Variants in LPP observed in about 807,000 individuals in gnomAD.
LPP encodes lipoma-preferred partner.
LPP carries 38 observed loss-of-function variants against 60.4 expected under a neutral mutation model. The observed-to-expected ratio is 0.63, with a 90% CI of 0.49 to 0.83. The LOEUF (loss-of-function observed/expected upper bound fraction) is 0.83. LPP is among the 40% of genes least tolerant of loss of function. The pLI is 0.00. For synonymous variants in LPP, 328 were observed against 290.8 expected (o/e 1.13, Z -1.30); for missense variants, 902 against 783.6 (o/e 1.15, Z -1.80).
intron 9 of LPP, among the ~76,000 whole-genome samples, chr3:188,779,399 G>A (rs2150832096): frequency 6.6e-6 from 1 of 152,250 alleles, no homozygotes; most frequent in Non-Finnish European, 1.5e-5. Flanking sequence ...ATCTGAGGAT[G>A]GCAGAAGCTC....
At chr3:188,655,174 A>C (rs931232908) in intron 7 of LPP, among the ~76,000 whole-genome samples, 1 of 152,148 alleles carries the variant, frequency 6.6e-6, no homozygotes, top group Non-Finnish European at 1.5e-5. Context: ...TTTAGCCTTA[A>C]CTGATCTGCT....
intron 2 of LPP, among the ~76,000 whole-genome samples, chr3:188,327,262 G>A (rs1055241094): frequency 1.3e-5 from 2 of 152,268 alleles, no homozygotes; most frequent in South Asian, 4.1e-4. Flanking sequence ...TAGTTTATGA[G>A]CCTCTAATAA....
chr3:188,809,598 A>G (rs903211098), intron 9 of LPP, among the ~76,000 whole-genome samples: 35 of 152,302 alleles, frequency 2.3e-4, no homozygotes, highest in African/African-American at 7.5e-4. Context: ...TCAGATGGAT[A>G]GATTGCAAAA....
At chr3:188,607,218 G>A (rs1481390322) in intron 6 of LPP, among the ~76,000 whole-genome samples, 3 of 149,808 alleles carry the variant, frequency 2.0e-5, no homozygotes, top group Non-Finnish European at 3.0e-5. Flanking sequence ...ACAATTTCAG[G>A]AGCCATTGCT....
intron 2 of LPP, among the ~76,000 whole-genome samples, chr3:188,327,169 T>C (rs1758657884): frequency 6.6e-6 from 1 of 152,214 alleles, no homozygotes; most frequent in Admixed American, 6.5e-5. Context: ...CTGATTCTTC[T>C]GCTCTTGAGG....
At chr3:188,599,755 T>G (rs1046255999) in intron 6 of LPP, among the ~76,000 whole-genome samples, 1 of 143,714 alleles carries the variant, frequency 7.0e-6, no homozygotes, top group African/African-American at 2.8e-5. Context: ...GTTAGGGGTG[T>G]GTGTGTGTGT....
At chr3:188,170,815 C>T (rs1381356353) in intron 1 of LPP, among the ~76,000 whole-genome samples, 5 of 152,112 alleles carry the variant, frequency 3.3e-5, no homozygotes, top group Admixed American at 3.3e-4. Flanking sequence ...GCAAGGTACC[C>T]TTTTATATCT....
intron 9 of LPP, among the ~76,000 whole-genome samples, chr3:188,787,906 T>C (rs2150981365): frequency 6.6e-6 from 1 of 152,304 alleles, no homozygotes; most frequent in South Asian, 2.1e-4. Context: ...TATGTATCTA[T>C]CATTTTAGCC....
rs1490294148 is a variant in LPP at position 188,572,262 on chromosome 3, CAT to C, written c.430-36898_430-36897del. ...ATTTTAAGCCATTTATTTCAACAAA[CAT>C]GTAATATATATTCTAACGACAAAGC... On this transcript the variant is annotated intron_variant, in intron 6 of 11. Coordinates refer to ENST00000617246, the MANE Select transcript of LPP (RefSeq NM_001375462.1). The surrounding 1 kb of genome is among the most constrained non-coding windows in gnomAD (Gnocchi z 4.1). Among the ~76,000 whole-genome samples the C allele has an allele frequency of 1.3e-5, 2 of 152,004 alleles. No homozygotes were observed. Among genetic ancestry groups the C allele is most frequent in the Non-Finnish European group, 2.9e-5 (2 of 67,994 alleles).
In LPP at chr3:188,340,036, T is replaced by C. The variant is rs192694496; in HGVS notation, c.-66-1627T>C. 1.8e-4 allele frequency among the ~76,000 whole-genome samples: 28 copies of C among 152,298 alleles called. 1 individual carries two copies. In the East Asian group the frequency reaches 5.0e-3, roughly 27 times the overall value. ...TAAGTGTGTGTTAGTGCTTCGACAA[T>C]TGAATTTTCTGTGCTATACACTCGG... On this transcript the variant is annotated intron_variant, in intron 2 of 11. Coordinates refer to ENST00000617246, the MANE Select transcript of LPP (RefSeq NM_001375462.1).
In LPP at chr3:188,267,675, C is replaced by T. The variant is rs1736070785; in HGVS notation, c.-67+42148C>T. ...GCTCAGCATTCTTTCAGCTTTCTGC[C>T]TCTTTGTATATCTTTCAAGCTTGAG... On this transcript the variant is annotated intron_variant, in intron 2 of 11. Coordinates refer to ENST00000617246, the MANE Select transcript of LPP (RefSeq NM_001375462.1). Among the ~76,000 whole-genome samples the T allele has an allele frequency of 2.0e-5, 3 of 152,208 alleles. No individual in the cohort carries two copies. The South Asian group carries it at 6.2e-4, about 31-fold the overall frequency.
chr3:188,417,016 AT>A (rs1786481518), intron 4 of LPP, among the ~76,000 whole-genome samples: 1 of 152,186 alleles, frequency 6.6e-6, no homozygotes, highest in South Asian at 2.1e-4. Flanking sequence ...CTTAAAAAAA[AT>A]CAGTATGATA....
At chr3:188,285,083 C>G (rs1418639932) in intron 2 of LPP, among the ~76,000 whole-genome samples, 1 of 151,964 alleles carries the variant, frequency 6.6e-6, no homozygotes, top group African/African-American at 2.4e-5. Context: ...GAGTCCCGGC[C>G]CTGCTTTTAG....
At chr3:188,371,199 C>T (rs1772961188) in intron 3 of LPP, among the ~76,000 whole-genome samples, 1 of 152,046 alleles carries the variant, frequency 6.6e-6, no homozygotes, top group Non-Finnish European at 1.5e-5. Flanking sequence ...CTTATTTTAC[C>T]ATTAACCTAT....
chr3:188,862,494 T>C (rs1765406251), intron 9 of LPP, among the ~76,000 whole-genome samples: 1 of 151,914 alleles, frequency 6.6e-6, no homozygotes, highest in Non-Finnish European at 1.5e-5. Flanking sequence ...CTAAGCAAAG[T>C]AGAATACAAG....
At chr3:188,286,432 C>T (rs924139217) in intron 2 of LPP, among the ~76,000 whole-genome samples, 2 of 152,152 alleles carry the variant, frequency 1.3e-5, no homozygotes, top group African/African-American at 4.8e-5. Flanking sequence ...GACCCCAGAA[C>T]CCACTTACTC....
chr3:188,340,515 C>T (rs1027173349), intron 2 of LPP, among the ~76,000 whole-genome samples: 1 of 148,476 alleles, frequency 6.7e-6, no homozygotes, highest in South Asian at 2.2e-4. Context: ...TTTATCAAAA[C>T]TTCCTAGAAG....
At chr3:188,752,248 C>T (rs1728338084) in intron 8 of LPP, among the ~76,000 whole-genome samples, 1 of 152,074 alleles carries the variant, frequency 6.6e-6, no homozygotes, top group Non-Finnish European at 1.5e-5. Context: ...AGAAACTCAC[C>T]AAGTGCATTT....
chr3:188,644,557 T>C (rs1245690973), intron 7 of LPP, among the ~76,000 whole-genome samples: 1 of 152,158 alleles, frequency 6.6e-6, no homozygotes, highest in Non-Finnish European at 1.5e-5. Flanking sequence ...ATTGCTGATA[T>C]GTAATCTAAG....
Sources: allele counts gnomAD v4.1 joint callset (sites outside exome capture counted in the v4.1 genomes callset), GRCh38; gene constraint gnomAD v4.1.1; non-coding constraint Gnocchi (gnomAD v3.1); transcripts MANE v1.5; gene names NCBI Gene and HGNC (gene_info 2026-07-23, HGNC 2026-07-21).